PTPRK: variants seen among roughly 807,000 people sequenced by gnomAD.
PTPRK encodes the protein receptor-type tyrosine-protein phosphatase kappa.
PTPRK carries 75 observed loss-of-function variants against 178.0 expected under a neutral mutation model. The ratio of observed to expected loss-of-function variants is 0.42; its 90% CI spans 0.35 to 0.51. The LOEUF (loss-of-function observed/expected upper bound fraction) is 0.51, where lower values mean the gene tolerates loss of function less well. Among genes scored for constraint, PTPRK ranks in the 20% least tolerant of loss-of-function variants. PTPRK has a pLI of 0.02. For synonymous variants in PTPRK, 637 were observed against 620.6 expected (o/e 1.03, Z -0.39); for missense variants, 1,441 against 1,797.8 (o/e 0.80, Z 3.59).
chr6:128,255,875 A>G (rs1448831039), intron 3 of PTPRK, among the ~76,000 whole-genome samples: 2 of 152,242 alleles, frequency 1.3e-5, no homozygotes, highest in African/African-American at 4.8e-5. Context: ...GACAGTTTCA[A>G]TCCTATAGGT....
chr6:128,190,875 T>C (rs938647231), intron 6 of PTPRK, among the ~76,000 whole-genome samples: 14 of 152,170 alleles, frequency 9.2e-5, no homozygotes, highest in Non-Finnish European at 1.8e-4. Context: ...TGCTAAGACA[T>C]CACAAAGTTT....
intron 1 of PTPRK, chr6:128,501,252 A>AT (rs950960859): frequency 6.6e-6 from 1 of 152,230 alleles, no homozygotes; most frequent in East Asian, 1.9e-4. Context: ...GGGAAAGTAA[A>AT]TTTTTTTCCT....
At chr6:128,361,664 A>G (rs1834770307) in intron 2 of PTPRK, among the ~76,000 whole-genome samples, 1 of 152,108 alleles carries the variant, frequency 6.6e-6, no homozygotes. Flanking sequence ...TGCTGTACTG[A>G]ATACTGTAGG....
chr6:128,456,435 C>A (rs1314724754), intron 1 of PTPRK, among the ~76,000 whole-genome samples: 3 of 150,912 alleles, frequency 2.0e-5, no homozygotes, highest in African/African-American at 7.3e-5. Context: ...AATTGTTTAC[C>A]CTGAGTAAAA....
At chr6:128,324,191 C>T (rs1829233352) in intron 2 of PTPRK, among the ~76,000 whole-genome samples, 1 of 152,130 alleles carries the variant, frequency 6.6e-6, no homozygotes, top group African/African-American at 2.4e-5. Flanking sequence ...ACCCCCTCCC[C>T]TCAGTGGAAT....
intron 13 of PTPRK, among the ~76,000 whole-genome samples, chr6:128,060,613 C>T (rs1280054517): frequency 6.6e-6 from 1 of 152,092 alleles, no homozygotes; most frequent in East Asian, 1.9e-4. Context: ...GCAGTGATTA[C>T]AATGAAAAGA....
At chr6:128,115,410 A>T (rs1009900508) in intron 7 of PTPRK, among the ~76,000 whole-genome samples, 2 of 152,132 alleles carry the variant, frequency 1.3e-5, no homozygotes, top group African/African-American at 4.8e-5. Context: ...CCTTGGTACA[A>T]CTGAAACAGA....
chr6:128,209,453 C>T (rs1160058188), intron 6 of PTPRK, among the ~76,000 whole-genome samples: 1 of 152,122 alleles, frequency 6.6e-6, no homozygotes, highest in East Asian at 1.9e-4. Context: ...CTTCCACTAT[C>T]CAAATGCTAC....
chr6:128,505,104 C>CT (rs1491132852), intron 1 of PTPRK, among the ~76,000 whole-genome samples: 82 of 142,912 alleles, frequency 5.7e-4, no homozygotes, highest in African/African-American at 1.7e-3. Flanking sequence ...AAGAAATTTA[C>CT]TTGTTTTTTT....
intron 2 of PTPRK, among the ~76,000 whole-genome samples, chr6:128,379,530 A>G (rs1837575317): frequency 6.6e-6 from 1 of 152,194 alleles, no homozygotes; most frequent in Non-Finnish European, 1.5e-5. Flanking sequence ...TCTTGATTTT[A>G]CCTTTAAGAA....
intron 6 of PTPRK, among the ~76,000 whole-genome samples, chr6:128,195,202 CACTT>C (rs1392762373): frequency 6.6e-6 from 1 of 151,894 alleles, no homozygotes; most frequent in African/African-American, 2.4e-5. Flanking sequence ...ATTTTTGTGA[CACTT>C]AGTTGTAACG....
At chr6:128,217,774 T>G (rs1809616885) in intron 6 of PTPRK, among the ~76,000 whole-genome samples, 1 of 152,054 alleles carries the variant, frequency 6.6e-6, no homozygotes, top group Non-Finnish European at 1.5e-5. Flanking sequence ...TTGGGCAACT[T>G]TCTCTCAACC....
At chr6:128,296,726 C>T (rs575574658) in intron 3 of PTPRK, among the ~76,000 whole-genome samples, 1 of 151,920 alleles carries the variant, frequency 6.6e-6, no homozygotes, top group Non-Finnish European at 1.5e-5. Flanking sequence ...TGAAGGAAGC[C>T]CTAAACATGG....
chr6:128,067,676 G>A lies in PTPRK; in HGVS notation c.2000C>T (p.Pro667Leu), dbSNP rs1202042530. The A allele has an allele frequency of 2.5e-6, 4 of 1,613,660 alleles. No homozygotes were observed. Among genetic ancestry groups the A allele is most frequent in the East Asian group, 4.5e-5 (2 of 44,838 alleles). ...TYQNAMSGGA[P>L]YYFAAELPPG... ...GGGGAGTTCTGCAGCAAAGTAATACGGTGCACCCCCACTCATGGCATTTTG... is the reference window on the plus strand; with the variant it reads ...GGGGAGTTCTGCAGCAAAGTAATACAGTGCACCCCCACTCATGGCATTTTG... The change falls in exon 12 of 30, where the codon CCG becomes CTG. Residue 667 changes from proline to leucine, a missense_variant. By Grantham distance (98) the Pro-to-Leu change is moderately conservative (BLOSUM62 -3). Around this residue, in one of 4 missense-constraint regions of PTPRK, gnomAD observed 945 missense variants for 1,080.6 expected, o/e 0.87. Coordinates refer to ENST00000368226, the MANE Select transcript of PTPRK (RefSeq NM_002844.4).
intron 3 of PTPRK, among the ~76,000 whole-genome samples, chr6:128,252,863 G>A (rs1045962782): frequency 6.6e-6 from 1 of 152,102 alleles, no homozygotes; most frequent in African/African-American, 2.4e-5. Context: ...CTTTGCCATC[G>A]CAGATACACC....
At chr6:128,033,855 C>A (rs1775764727) in intron 13 of PTPRK, among the ~76,000 whole-genome samples, 1 of 151,348 alleles carries the variant, frequency 6.6e-6, no homozygotes, top group Non-Finnish European at 1.5e-5. Flanking sequence ...AGAATGAGAC[C>A]TTGTCTCAAA....
intron 1 of PTPRK, among the ~76,000 whole-genome samples, chr6:128,432,690 A>G (rs1844990003): frequency 6.6e-6 from 1 of 152,048 alleles, no homozygotes; most frequent in Non-Finnish European, 1.5e-5. Context: ...GGTATGAAGT[A>G]CAAAGTGAAT....
chr6:128,010,482 C>T (rs1358322763), intron 13 of PTPRK, among the ~76,000 whole-genome samples: 2 of 151,248 alleles, frequency 1.3e-5, no homozygotes, highest in Non-Finnish European at 3.0e-5. Flanking sequence ...CTCCTCTTGG[C>T]TTCTCTATCC....
intron 2 of PTPRK, among the ~76,000 whole-genome samples, chr6:128,380,993 T>A (rs1379652195): frequency 6.6e-6 from 1 of 152,194 alleles, no homozygotes; most frequent in Non-Finnish European, 1.5e-5. Context: ...ATCAGACAGT[T>A]TTAAACCCAT....
Sources: gnomAD v4.1 joint callset for allele counts (sites outside exome capture counted in the v4.1 genomes callset) on GRCh38, gnomAD v4.1.1 for gene constraint, gnomAD v4.1.1 regional missense constraint, MANE v1.5 for transcripts, NCBI Gene and HGNC (gene_info 2026-07-23, HGNC 2026-07-21) for gene names.